The following DAGLB variants were observed in gnomAD, a reference collection of about 807,000 sequenced individuals.
DAGLB encodes the protein diacylglycerol lipase beta.
DAGLB carries 66 observed loss-of-function variants against 72.1 expected under a neutral mutation model. That is an observed-to-expected ratio of 0.92 (90% CI 0.75 to 1.12). The LOEUF is 1.12. Ranked by LOEUF, DAGLB falls within the 50% of genes most tolerant of loss-of-function variation. DAGLB has a pLI of 0.00. For synonymous variants in DAGLB, 414 were observed against 359.5 expected (o/e 1.15, Z -1.71); for missense variants, 1,065 against 884.9 (o/e 1.20, Z -2.58).
chr7:6,424,892 C>A (rs1006127237), intron 7 of DAGLB, 57 bp from the exon 8 acceptor site: 2 of 1,570,218 alleles, frequency 1.3e-6, no homozygotes, highest in Non-Finnish European at 1.8e-6. Flanking sequence ...CACCAGCACG[C>A]AAAGTCGGAG....
At chr7:6,431,378 G>A (rs1425611898) in intron 5 of DAGLB, among the ~76,000 whole-genome samples, 1 of 152,136 alleles carries the variant, frequency 6.6e-6, no homozygotes, top group Admixed American at 6.6e-5. Flanking sequence ...AGAGAAGAAA[G>A]CAAACACACC....
chr7:6,422,769 G>C (rs1784173840), intron 8 of DAGLB: 1 of 152,228 alleles, frequency 6.6e-6, no homozygotes, highest in South Asian at 2.1e-4. Flanking sequence ...CTAACCACTG[G>C]GTACTATGCT....
chr7:6,440,323 G>A (rs372378060), intron 2 of DAGLB, among the ~76,000 whole-genome samples: 14 of 151,956 alleles, frequency 9.2e-5, no homozygotes, highest in African/African-American at 3.4e-4. Context: ...GGCGGAGGTT[G>A]CGGTGAGCCG....
intron 9 of DAGLB, 104 bp from the exon 10 acceptor site, chr7:6,417,025 C>A: frequency 7.5e-7 from 1 of 1,325,366 alleles, no homozygotes; most frequent in East Asian, 2.4e-5. Context: ...TGAGTCTCTC[C>A]TGGGATCTGA....
intron 6 of DAGLB, among the ~76,000 whole-genome samples, chr7:6,427,592 CA>C (rs1281580812): frequency 6.6e-6 from 1 of 151,592 alleles, no homozygotes; most frequent in Non-Finnish European, 1.5e-5. Context: ...AAAAGACAAA[CA>C]AAAAAAAGAT....
In DAGLB at chr7:6,447,771, G is replaced by C. The variant is rs908509357; in HGVS notation, c.72C>G (p.Phe24Leu). 6.2e-7 allele frequency: 1 copy of C among 1,613,454 alleles called. No individual in the cohort carries two copies. Among genetic ancestry groups the C allele is most frequent in the South Asian group, 1.1e-5 (1 of 90,986 alleles). Residue 24 changes from phenylalanine (F) to leucine (L), a missense_variant, in exon 1 of 15, where the codon TTC becomes TTG. By Grantham distance (22) the Phe-to-Leu change is conservative (BLOSUM62 0). Transcript: ENST00000297056. ...ACCACAGCACTCGCACGACCAGCTC[G>C]AAGAACCCTGGGAAGACCAAGTCGT... is the stretch of plus-strand genomic sequence containing the variant. The part of the protein sequence containing the change: ...ASDDLVFPGF[F>L]ELVVRVLWWI...
chr7:6,432,737 G>A, intron 5 of DAGLB, 100 bp downstream of exon 5: 1 of 1,410,002 alleles, frequency 7.1e-7, no homozygotes. Context: ...GGGGAATGAA[G>A]GAAGGGAGGA....
chr7:6,437,203 T>G (rs968740389), intron 2 of DAGLB, among the ~76,000 whole-genome samples: 1 of 150,934 alleles, frequency 6.6e-6, no homozygotes, highest in Non-Finnish European at 1.5e-5. Flanking sequence ...GTAATAATTA[T>G]GCTGAGACAA....
intron 8 of DAGLB, 30 bp from the exon 9 acceptor site, chr7:6,421,834 T>C: frequency 6.2e-7 from 1 of 1,609,120 alleles, no homozygotes; most frequent in Non-Finnish European, 8.5e-7. Flanking sequence ...GAAGCGGCCG[T>C]CAGCCTGTGA....
rs140884384 is a variant in DAGLB at position 6,445,983 on chromosome 7, C to T, written c.217G>A (p.Val73Met). The T allele has an allele frequency of 2.0e-5, 32 of 1,611,396 alleles. No homozygotes were observed. Among genetic ancestry groups the T allele is most frequent in the African/African-American group, 1.2e-4 (9 of 74,604 alleles). Residue 73 changes from valine to methionine, a missense_variant, in exon 2 of 15, where the codon GTG becomes ATG. By Grantham distance (21) the Val-to-Met change is conservative. Coordinates refer to ENST00000297056, the MANE Select transcript of DAGLB (RefSeq NM_139179.4). ...ATGCTGACACACATGATGGCTGACA[C>T]AGTACATATGACAACTGCCAGGAGA... ...MILLAVVICT[V>M]SAIMCVSMRG... is the part of the protein sequence containing the mutation.
chr7:6,435,908 G>C (rs927139170), intron 3 of DAGLB, among the ~76,000 whole-genome samples: 1 of 152,206 alleles, frequency 6.6e-6, no homozygotes, highest in Admixed American at 6.5e-5. Context: ...TCATCTCTAA[G>C]ATTTTTAGCC....
chr7:6,442,066 G>A (rs1784853943), intron 2 of DAGLB, among the ~76,000 whole-genome samples: 1 of 152,094 alleles, frequency 6.6e-6, no homozygotes, highest in Non-Finnish European at 1.5e-5. Flanking sequence ...CCTTCCTAGA[G>A]GGGCAAGGAA....
chr7:6,425,524 C>T (rs1784281665), intron 7 of DAGLB, among the ~76,000 whole-genome samples: 1 of 152,156 alleles, frequency 6.6e-6, no homozygotes, highest in South Asian at 2.1e-4. Context: ...CCCGCCTCGG[C>T]CTCTCAAAGT....
intron 2 of DAGLB, among the ~76,000 whole-genome samples, chr7:6,442,675 CA>C (rs1784870354): frequency 6.6e-6 from 1 of 152,186 alleles, no homozygotes; most frequent in Non-Finnish European, 1.5e-5. Context: ...GCACCAATGA[CA>C]GCCTACATTT....
chr7:6,437,187 ATAATAG>A (rs1172069883), intron 2 of DAGLB, among the ~76,000 whole-genome samples: 2 of 143,732 alleles, frequency 1.4e-5, no homozygotes, highest in African/African-American at 2.5e-5. Context: ...AATAATAATA[ATAATAG>A]TAATAATTAT....
intron 6 of DAGLB, among the ~76,000 whole-genome samples, chr7:6,427,879 A>C (rs1784360876): frequency 6.6e-6 from 1 of 152,250 alleles, no homozygotes; most frequent in African/African-American, 2.4e-5. Flanking sequence ...AAAATCTGGA[A>C]CATTTTGAGC....
At chr7:6,439,261 AAAAAAAAAG>A (rs1784754645) in intron 2 of DAGLB, among the ~76,000 whole-genome samples, 1 of 140,842 alleles carries the variant, frequency 7.1e-6, no homozygotes, top group Non-Finnish European at 1.6e-5. Context: ...TCTCAAAAAG[AAAAAAAAAG>A]AAAAAAAAAA....
At chr7:6,416,244 CT>C (rs1225238190) in intron 11 of DAGLB, 1 of 164,690 alleles carries the variant, frequency 6.1e-6, no homozygotes, top group African/African-American at 2.4e-5. Flanking sequence ...TGAAATAGCG[CT>C]TCAAAACACA....
chr7:6,413,089 G>A (rs1274333107), intron 11 of DAGLB, 55 bp from the exon 12 acceptor site: 8 of 1,574,022 alleles, frequency 5.1e-6, no homozygotes, highest in South Asian at 4.5e-5. Flanking sequence ...TGCCCACAAG[G>A]GCTTCCATGA....
Sources: gnomAD v4.1 joint callset for allele counts (sites outside exome capture counted in the v4.1 genomes callset) on GRCh38, gnomAD v4.1.1 for gene constraint, MANE v1.5 for transcripts, NCBI Gene and HGNC (gene_info 2026-07-23, HGNC 2026-07-21) for gene names.